Variants in ANK3 observed in about 807,000 individuals in gnomAD.
ANK3 encodes the protein ankyrin 3.
Under a neutral mutation model 370.9 loss-of-function variants are expected in ANK3, and 57 were observed. That is an observed-to-expected ratio of 0.15 (90% CI 0.12 to 0.19). The LOEUF (loss-of-function observed/expected upper bound fraction) is 0.19, where lower values mean the gene tolerates loss of function less well. ANK3 is among the 10% of genes least tolerant of loss of function. ANK3 has a pLI of 1.00. For synonymous variants in ANK3, 1,929 were observed against 1,946.3 expected, an observed-to-expected ratio of 0.99 and a Z score of 0.23; for missense variants, 4,439 against 5,302.1, an observed-to-expected ratio of 0.84 and a Z score of 5.06.
At chr10:60,203,785 C>T (rs1385489568) in intron 11 of ANK3, among the ~76,000 whole-genome samples, 1 of 152,130 alleles carries the variant, frequency 6.6e-6, no homozygotes, top group East Asian at 1.9e-4. Flanking sequence ...CAGCGTAAAG[C>T]AGAATTTATT....
intron 25 of ANK3, among the ~76,000 whole-genome samples, chr10:60,126,109 A>G (rs2093742070): frequency 6.6e-6 from 1 of 152,188 alleles, no homozygotes. Context: ...AGCCAGTGCA[A>G]CTGTTGACAT....
At chr10:60,467,254 G>C (rs529806977) in intron 2 of ANK3, among the ~76,000 whole-genome samples, 1 of 152,184 alleles carries the variant, frequency 6.6e-6, no homozygotes, top group Admixed American at 6.6e-5. Context: ...ACTTTCATAG[G>C]AGAAAAGAGC....
At chr10:60,250,619 C>G (rs1309898802) in intron 7 of ANK3, among the ~76,000 whole-genome samples, 1 of 152,170 alleles carries the variant, frequency 6.6e-6, no homozygotes, top group African/African-American at 2.4e-5. Context: ...CCCTCCTTGG[C>G]CTCCCAAAGT....
intron 28 of ANK3, among the ~76,000 whole-genome samples, chr10:60,092,442 C>T (rs188974236): frequency 1.8e-4 from 28 of 152,174 alleles, no homozygotes; most frequent in African/African-American, 5.8e-4. Flanking sequence ...TTTCATTTTA[C>T]GGATCAACCA....
chr10:60,480,676 T>G (rs2075189246), intron 2 of ANK3, among the ~76,000 whole-genome samples: 1 of 152,096 alleles, frequency 6.6e-6, no homozygotes, highest in Admixed American at 6.6e-5. Flanking sequence ...GGGGAAAGGT[T>G]TTCACAGAGG....
chr10:60,691,217 G>A (rs144154265), intron 1 of ANK3, among the ~76,000 whole-genome samples: 2,078 of 152,198 alleles, frequency 0.014, 18 homozygotes, highest in Middle Eastern at 0.02. Context: ...CAGTAGCTGG[G>A]TGACAGGATC....
chr10:60,045,329 A>C (rs2131875801), intron 42 of ANK3, among the ~76,000 whole-genome samples: 1 of 152,324 alleles, frequency 6.6e-6, no homozygotes, highest in South Asian at 2.1e-4. Context: ...TATGAGTTTT[A>C]AAAATAGAAT....
In ANK3 at chr10:60,502,314, C is replaced by A. The variant is rs148503405; in HGVS notation, c.96+112872G>T. 3.3e-5 allele frequency among the ~76,000 whole-genome samples: 5 copies of A among 152,234 alleles called. No homozygotes were observed. The East Asian group carries it at 9.6e-4, about 29-fold the overall frequency. On this transcript the variant is annotated intron_variant, in intron 2 of 43. Coordinates refer to the ANK3 transcript ENST00000373827. Reference sequence around the variant, plus strand: ...CTAACAAACAGATGCCAATAATAAGCCCCTTGATTGAAAACACATTAGAAA... The same window carrying A: ...CTAACAAACAGATGCCAATAATAAGACCCTTGATTGAAAACACATTAGAAA...
intron 1 of ANK3, among the ~76,000 whole-genome samples, chr10:60,619,253 T>TG (rs2078304592): frequency 2.6e-5 from 4 of 152,006 alleles, no homozygotes; most frequent in Admixed American, 2.6e-4. Context: ...AACCAAGTCT[T>TG]GAAAAACACA....
At chr10:60,372,005 C>T (rs918840149) in intron 1 of ANK3, among the ~76,000 whole-genome samples, 1 of 152,116 alleles carries the variant, frequency 6.6e-6, no homozygotes, top group African/African-American at 2.4e-5. Context: ...ATGGGAAATA[C>T]TACAATGGAA....
rs1027087502 is a variant in ANK3, at chr10:60,722,838, A to T, written c.57+10425T>A. On this transcript the variant is annotated intron_variant, in intron 1 of 43. Coordinates refer to the ANK3 transcript ENST00000373827. ...CTTGCTCCCTCTCTTGCCATATGAT[A>T]TGCCTGTCTTTGCCTTCCAGCAAAA... Among the ~76,000 whole-genome samples, 19 of 152,278 alleles carry T rather than the reference A, an allele frequency of 1.2e-4. No homozygotes were observed. The East Asian group carries it at 2.3e-3, about 19-fold the overall frequency.
intron 1 of ANK3, among the ~76,000 whole-genome samples, chr10:60,291,721 ATTTC>A (rs1158568530): frequency 1.3e-5 from 2 of 151,952 alleles, no homozygotes; most frequent in African/African-American, 4.8e-5. Flanking sequence ...TCCAAGATAC[ATTTC>A]TTTCTTTCTT....
At chr10:60,197,351 G>A (rs2132406115) in intron 14 of ANK3, among the ~76,000 whole-genome samples, 1 of 152,298 alleles carries the variant, frequency 6.6e-6, no homozygotes, top group Admixed American at 6.5e-5. Context: ...AAGAATCTGT[G>A]TATCAACCAG....
intron 1 of ANK3, among the ~76,000 whole-genome samples, chr10:60,648,352 G>C (rs1387285047): frequency 1.4e-5 from 2 of 145,658 alleles, no homozygotes; most frequent in Non-Finnish European, 3.0e-5. Flanking sequence ...ATAGAGACAG[G>C]ATTTCACTAT....
intron 1 of ANK3, among the ~76,000 whole-genome samples, chr10:60,668,401 G>T (rs2133378584): frequency 6.6e-6 from 1 of 151,572 alleles, no homozygotes. Context: ...TACTTAAGGG[G>T]CACAGCAATC....
intron 8 of ANK3, among the ~76,000 whole-genome samples, chr10:60,225,696 T>G (rs2097128745): frequency 6.6e-6 from 1 of 152,136 alleles, no homozygotes; most frequent in South Asian, 2.1e-4. Flanking sequence ...GAAAATAAGG[T>G]AAAATCCTTT....
chr10:60,338,933 A>G (rs532113821), intron 1 of ANK3, among the ~76,000 whole-genome samples: 73 of 152,100 alleles, frequency 4.8e-4, no homozygotes, highest in African/African-American at 1.7e-3. Context: ...CTCCAAATAA[A>G]TAGGAGCCGT....
intron 2 of ANK3, among the ~76,000 whole-genome samples, chr10:60,517,133 T>C (rs1001129247): frequency 2.0e-5 from 3 of 152,080 alleles, no homozygotes; most frequent in African/African-American, 7.2e-5. Flanking sequence ...GGCGCGATCT[T>C]GGCTCACTGT....
At chr10:60,478,245 T>C (rs1408747277) in intron 2 of ANK3, among the ~76,000 whole-genome samples, 1 of 152,066 alleles carries the variant, frequency 6.6e-6, no homozygotes, top group Non-Finnish European at 1.5e-5. Context: ...TTTTTCATGG[T>C]CCAATTTCAA....
Sources: allele counts gnomAD v4.1 joint callset (sites outside exome capture counted in the v4.1 genomes callset), GRCh38; gene constraint gnomAD v4.1.1; transcripts MANE v1.5; gene names NCBI Gene and HGNC (gene_info 2026-07-23, HGNC 2026-07-21).